The following CLNK variants were observed in gnomAD, a reference collection of about 807,000 sequenced individuals.
CLNK encodes the protein cytokine dependent hematopoietic cell linker.
CLNK carries 74 observed loss-of-function variants against 68.6 expected under a neutral mutation model. The observed-to-expected ratio is 1.08, with a 90% CI of 0.89 to 1.31. The LOEUF (loss-of-function observed/expected upper bound fraction) is 1.31. Among genes scored for constraint, CLNK ranks in the 50% most tolerant of loss-of-function variants. CLNK has a pLI of 0.00. For synonymous variants in CLNK, 198 were observed against 172.2 expected, an observed-to-expected ratio of 1.15 and a Z score of -1.17; for missense variants, 553 against 515.3, an observed-to-expected ratio of 1.07 and a Z score of -0.71.
At chr4:10,584,795 G>A in intron 4 of CLNK, 132 bp downstream of exon 4, 2 of 924,342 alleles carry the variant, frequency 2.2e-6, no homozygotes, top group East Asian at 2.6e-5. Context: ...GGAAGGAATG[G>A]CATTACTAGC....
the CLNK span, among the ~76,000 whole-genome samples, chr4:10,726,217 G>T: frequency 6.6e-6 from 1 of 152,140 alleles, no homozygotes; most frequent in Non-Finnish European, 1.5e-5. Context: ...TGCCTCTCGG[G>T]TTCAAGCGAT....
intron 8 of CLNK, among the ~76,000 whole-genome samples, chr4:10,557,211 C>T (rs1414515289): frequency 6.6e-6 from 1 of 152,124 alleles, no homozygotes; most frequent in Non-Finnish European, 1.5e-5. Context: ...TTTCACTGCG[C>T]TGGCACTTCC....
the CLNK span, among the ~76,000 whole-genome samples, chr4:10,721,060 A>G: frequency 3.8e-3 from 586 of 152,324 alleles, 7 homozygotes; most frequent in African/African-American, 0.014. Context: ...GAAAAAGTCA[A>G]TCAAGAAAAA....
At chr4:10,667,151 A>G (rs1210449647) in intron 2 of CLNK, among the ~76,000 whole-genome samples, 1 of 152,174 alleles carries the variant, frequency 6.6e-6, no homozygotes, top group Non-Finnish European at 1.5e-5. Flanking sequence ...CAAGGGAGTT[A>G]AAGTAGGTCT....
At chr4:10,712,894 T>A in the CLNK span, among the ~76,000 whole-genome samples, 2 of 152,216 alleles carry the variant, frequency 1.3e-5, no homozygotes, top group African/African-American at 4.8e-5. Context: ...ACTGGTCCTA[T>A]GACCCCCACC....
chr4:10,666,211 C>T (rs1277371198), intron 2 of CLNK, among the ~76,000 whole-genome samples: 2 of 152,146 alleles, frequency 1.3e-5, no homozygotes, highest in Admixed American at 1.3e-4. Flanking sequence ...ATTTCTGGCT[C>T]CCAGAACTAT....
the CLNK span, among the ~76,000 whole-genome samples, chr4:10,725,779 C>T: frequency 0.41 from 61,306 of 151,024 alleles, 13,057 homozygotes; most frequent in East Asian, 0.58. Flanking sequence ...GGCGTGAACC[C>T]GGGAGGCGGA....
the CLNK span, chr4:10,691,987 G>C: frequency 6.6e-6 from 1 of 151,952 alleles, no homozygotes; most frequent in Non-Finnish European, 1.5e-5. Context: ...TTTTTACAGG[G>C]ACAGGACTTT....
chr4:10,661,013 C>A (rs1386125150), intron 2 of CLNK, among the ~76,000 whole-genome samples: 2 of 152,172 alleles, frequency 1.3e-5, no homozygotes, highest in African/African-American at 4.8e-5. Flanking sequence ...AGGAGGGCAG[C>A]CATACTGACT....
intron 1 of CLNK, among the ~76,000 whole-genome samples, chr4:10,678,937 C>G (rs112752780): frequency 6.6e-6 from 1 of 152,122 alleles, no homozygotes; most frequent in Non-Finnish European, 1.5e-5. Flanking sequence ...GGCCATACTG[C>G]CCAAGGTAAT....
chr4:10,711,348 TG>T, the CLNK span, among the ~76,000 whole-genome samples: 9 of 152,232 alleles, frequency 5.9e-5, no homozygotes, highest in African/African-American at 2.2e-4. Context: ...CTTTCTAACT[TG>T]GGTCTTCAAT....
intron 2 of CLNK, among the ~76,000 whole-genome samples, chr4:10,646,551 A>G (rs905721193): frequency 2.0e-5 from 3 of 152,348 alleles, no homozygotes; most frequent in Non-Finnish European, 4.4e-5. Flanking sequence ...CCTCAGTGCC[A>G]GTGAAACTGG....
At chr4:10,516,447 A>T (rs1194299819) in intron 15 of CLNK, among the ~76,000 whole-genome samples, 1 of 152,182 alleles carries the variant, frequency 6.6e-6, no homozygotes, top group Non-Finnish European at 1.5e-5. Context: ...CATTTAGATT[A>T]TATAGGCGCT....
At chr4:10,634,206 G>A (rs1014609573) in intron 2 of CLNK, among the ~76,000 whole-genome samples, 1 of 152,216 alleles carries the variant, frequency 6.6e-6, no homozygotes, top group African/African-American at 2.4e-5. Flanking sequence ...AAGGGGCACA[G>A]AGTAGAGCCT....
At chr4:10,728,302 C>T in the CLNK span, among the ~76,000 whole-genome samples, 4 of 152,130 alleles carry the variant, frequency 2.6e-5, no homozygotes, top group Non-Finnish European at 5.9e-5. Context: ...GAAGAATACA[C>T]AAATACCATG....
chr4:10,572,081 T>C (rs1236510831), intron 4 of CLNK, among the ~76,000 whole-genome samples: 1 of 152,224 alleles, frequency 6.6e-6, no homozygotes, highest in East Asian at 1.9e-4. Context: ...AAACATAATA[T>C]GAGAAGATCT....
At chr4:10,530,571 T>C (rs942876278) in intron 12 of CLNK, among the ~76,000 whole-genome samples, 16 of 152,192 alleles carry the variant, frequency 1.1e-4, no homozygotes, top group African/African-American at 3.9e-4. Context: ...CCAACTAAAG[T>C]TGCAAAGAAA....
chr4:10,492,357 T>C (rs1716617664), intron 18 of CLNK, among the ~76,000 whole-genome samples: 1 of 152,044 alleles, frequency 6.6e-6, no homozygotes, highest in Non-Finnish European at 1.5e-5. Context: ...TCTGATTTGG[T>C]TTTGTCCACT....
chr4:10,681,332 G>T (rs1254175387), intron 1 of CLNK, among the ~76,000 whole-genome samples: 1 of 152,216 alleles, frequency 6.6e-6, no homozygotes, highest in African/African-American at 2.4e-5. Flanking sequence ...CTTCAAAACT[G>T]ATGGTGAAAT....
Sources: gnomAD v4.1 joint callset for allele counts (sites outside exome capture counted in the v4.1 genomes callset) on GRCh38, gnomAD v4.1.1 for gene constraint, MANE v1.5 for transcripts, NCBI Gene and HGNC (gene_info 2026-07-23, HGNC 2026-07-21) for gene names.